The following FGD6 variants were observed in gnomAD, a reference collection of about 807,000 sequenced individuals.
FGD6 encodes FYVE, RhoGEF and PH domain-containing protein 6.
A neutral mutation model predicts 149.4 loss-of-function variants in FGD6; 90 were observed. The observed-to-expected ratio is 0.60, with a 90% CI of 0.51 to 0.72. FGD6 has a LOEUF of 0.72. Among genes scored for constraint, FGD6 ranks in the 30% least tolerant of loss-of-function variants. The pLI, the probability that FGD6 is intolerant of heterozygous loss-of-function variation, is 0.00. For missense variants in FGD6, 1,437 were observed against 1,684.8 expected (o/e 0.85, Z 2.57); for synonymous variants, 527 against 584.0 (o/e 0.90, Z 1.41).
Position 95,131,343 on chromosome 12 carries a change from A to C in FGD6, c.3082+3396T>G, listed in dbSNP as rs531985521. On this transcript the variant is annotated intron_variant, in intron 8 of 20. Coordinates refer to ENST00000343958, the MANE Select transcript of FGD6 (RefSeq NM_018351.4). The stretch of plus-strand genomic sequence containing the variant: ...AGGCTGGTCTCGAACTCCTGACCTC[A>C]GGTGATCTGCCCGCCTCAGCCTCCC... Among the ~76,000 whole-genome samples the C allele has an allele frequency of 8.0e-4, 122 of 152,234 alleles. 1 individual carries two copies. The highest frequency in any genetic ancestry group is 2.8e-3 in the African/African-American group (117 of 41,554).
chr12:95,129,108 G>A (rs953090884), intron 8 of FGD6, among the ~76,000 whole-genome samples: 13 of 152,172 alleles, frequency 8.5e-5, no homozygotes, highest in African/African-American at 3.1e-4. Context: ...GCCTGGCCTG[G>A]AGCCTAACAG....
In FGD6 at chr12:95,209,654, A is replaced by G. The variant is rs181827487; in HGVS notation, c.1630T>C (p.Leu544=). Residue 544 remains leucine, a synonymous_variant, in exon 2 of 21, where the codon TTG becomes CTG. Coordinates refer to ENST00000343958, the MANE Select transcript of FGD6 (RefSeq NM_018351.4). ...GACACACCACGGTTTTGGGCACACA[A>G]ATGCTGAAGGTGATTTCTTTCTAGA... is the stretch of plus-strand genomic sequence containing the variant. ...KSLERNHLQH[L]CAQNRGVSSS... 1.2e-6 allele frequency: 2 copies of G among 1,613,252 alleles called. No individual in the cohort carries two copies. The highest frequency in any genetic ancestry group is 1.7e-5 in the Admixed American group (1 of 59,766).
At chr12:95,088,834 C>T (rs943715155) in intron 18 of FGD6, among the ~76,000 whole-genome samples, 1 of 151,990 alleles carries the variant, frequency 6.6e-6, no homozygotes, top group African/African-American at 2.4e-5. Context: ...CGTAACTTTA[C>T]ATAAGAAACA....
At position 95,081,249 on chromosome 12, in the gene FGD6, G is replaced by T; in HGVS notation, c.*271C>A. 1 of 282,902 alleles carries T rather than the reference G, an allele frequency of 3.5e-6. No individual in the cohort carries two copies. Among genetic ancestry groups the T allele is most frequent in the Non-Finnish European group, 6.7e-6 (1 of 149,632 alleles). 17.5% of individuals were successfully genotyped at this position (282,902 alleles called of 1,614,324 possible). A position where few individuals can be genotyped will look rare whatever the true frequency, so the allele number is the denominator to read the frequency against. ...TATACAGTATTAAGATAGTTTTTCTGGTCTCTAAAGAAATGGTACTTTAGA... is the reference window on the plus strand; with the variant it reads ...TATACAGTATTAAGATAGTTTTTCTTGTCTCTAAAGAAATGGTACTTTAGA... On this transcript the variant is annotated 3_prime_UTR_variant, in exon 21 of 21. Transcript: ENST00000343958.
In FGD6 at chr12:95,080,049, T is replaced by C. The variant is rs1312801487; in HGVS notation, c.*1471A>G. Reference sequence around the variant, plus strand: ...TCACTGCAACCTCTGCCTCCTGGGTTCAAGCGATGCTCCTGCCTCAGCCTG... The same window carrying C: ...TCACTGCAACCTCTGCCTCCTGGGTCCAAGCGATGCTCCTGCCTCAGCCTG... On this transcript the variant is annotated 3_prime_UTR_variant, in exon 21 of 21. Transcript: ENST00000343958. 6.6e-6 allele frequency: 1 copy of C among 150,672 alleles called. No homozygotes were observed. Among genetic ancestry groups the C allele is most frequent in the Non-Finnish European group, 1.5e-5 (1 of 68,056 alleles). The allele number at this position is 150,672 out of a possible 1,614,324, so 9.3% of individuals were successfully genotyped here. A position where few individuals can be genotyped will look rare whatever the true frequency, so the allele number is the denominator to read the frequency against.
At chr12:95,141,704 A>G (rs549867878) in intron 5 of FGD6, among the ~76,000 whole-genome samples, 165 bp from the exon 6 acceptor site, 1 of 152,292 alleles carries the variant, frequency 6.6e-6, no homozygotes, top group East Asian at 1.9e-4. Context: ...CCACTCACCT[A>G]GATAGGAAAT....
intron 3 of FGD6, among the ~76,000 whole-genome samples, chr12:95,163,148 C>T (rs1880694725): frequency 6.6e-6 from 1 of 152,176 alleles, no homozygotes; most frequent in Admixed American, 6.5e-5. Context: ...TGTCCACTCA[C>T]CTTCACCAGG....
At chr12:95,153,465 C>T (rs1164776928) in intron 3 of FGD6, among the ~76,000 whole-genome samples, 2 of 152,130 alleles carry the variant, frequency 1.3e-5, no homozygotes, top group Non-Finnish European at 2.9e-5. Context: ...AGTTCAAGAC[C>T]AGCCTGACCA....
In FGD6 at chr12:95,210,471, T is replaced by G. The variant is rs1295156493; in HGVS notation, c.813A>C (p.Glu271Asp). The change falls in exon 2 of 21, where the codon GAA (glutamate) becomes GAC (aspartate). Residue 271 changes from glutamate (E) to aspartate (D), a missense_variant. Glu to Asp is a conservative substitution (Grantham distance 45). Transcript: ENST00000343958. Reference protein sequence around the residue: ...EKSNNCFQSSELEALENGKRS... With the variant: ...EKSNNCFQSSDLEALENGKRS... ...TTTTCCCATTTTCCAGAGCCTCTAG[T>G]TCAGATGACTGAAAGCAATTATTGC... 6.2e-7 allele frequency: 1 copy of G among 1,614,018 alleles called. No individual in the cohort carries two copies. The highest frequency in any genetic ancestry group is 2.2e-5 in the East Asian group (1 of 44,902).
chr12:95,101,681 CTTTTTTTTTT>C (rs757955014), intron 14 of FGD6, among the ~76,000 whole-genome samples: 4 of 107,808 alleles, frequency 3.7e-5, no homozygotes, highest in Non-Finnish European at 7.1e-5. Flanking sequence ...TTTGAACTTT[CTTTTTTTTTT>C]TTTTTTTTTT....
At chr12:95,163,201 C>T (rs932179902) in intron 3 of FGD6, among the ~76,000 whole-genome samples, 21 of 152,280 alleles carry the variant, frequency 1.4e-4, no homozygotes, top group Non-Finnish European at 2.2e-4. Flanking sequence ...TAACCCACCA[C>T]GCTGCAACTC....
intron 2 of FGD6, among the ~76,000 whole-genome samples, chr12:95,175,436 G>A (rs1018019894): frequency 2.0e-5 from 3 of 152,028 alleles, no homozygotes; most frequent in African/African-American, 7.2e-5. Flanking sequence ...TGAGAGAAAG[G>A]GATGGATGTA....
At chr12:95,086,580 C>T (rs1444101775) in intron 18 of FGD6, among the ~76,000 whole-genome samples, 1 of 140,290 alleles carries the variant, frequency 7.1e-6, no homozygotes, top group Non-Finnish European at 1.5e-5. Context: ...TGCTCTGTCA[C>T]CCAGGCTGGA....
chr12:95,094,586 C>G lies in FGD6; in HGVS notation c.3600+6G>C. 1 of 1,516,938 alleles carries G rather than the reference C, an allele frequency of 6.6e-7. No individual in the cohort carries two copies. Among genetic ancestry groups the G allele is most frequent in the Admixed American group, 1.9e-5 (1 of 51,452 alleles). 94.0% of individuals were successfully genotyped at this position (1,516,938 alleles called of 1,614,324 possible). ...TGGAAAAAAAAAAAAAAGGAGAAAA[C>G]AATACCTCATCAAGACTCCTACTAG... On this transcript the variant is annotated splice_donor_region_variant and intron_variant, in intron 15 of 20. Transcript: ENST00000343958.
chr12:95,106,486 A>G (rs1379543216), intron 13 of FGD6, among the ~76,000 whole-genome samples: 3 of 149,218 alleles, frequency 2.0e-5, no homozygotes, highest in Non-Finnish European at 3.0e-5. Flanking sequence ...GAGTTTCACT[A>G]TGTTGGTCAG....
chr12:95,194,446 G>T (rs1881683748), intron 2 of FGD6, among the ~76,000 whole-genome samples: 1 of 47,690 alleles, frequency 2.1e-5, no homozygotes, highest in Admixed American at 2.2e-4. Flanking sequence ...TGTTGGTCAG[G>T]CTGGTCTCGA....
In FGD6 at chr12:95,117,096, C is replaced by T. The variant is rs117691076; in HGVS notation, c.3083-3395G>A. ...TCGGCAGAAGCTTTCCTAATAACAA[C>T]GAGGAGAGCAGTCATTTCAGTTTGC... is the stretch of plus-strand genomic sequence containing the variant. On this transcript the variant is annotated intron_variant, in intron 8 of 20. Transcript: ENST00000343958. 203 of 255,188 alleles carry T rather than the reference C, an allele frequency of 8.0e-4. 4 individuals are homozygous for T. In the East Asian group the frequency reaches 0.016, roughly 20 times the overall value. The allele number at this position is 255,188 out of a possible 1,614,324, so 15.8% of individuals were successfully genotyped here. A position where few individuals can be genotyped will look rare whatever the true frequency, so the allele number is the denominator to read the frequency against.
At chr12:95,179,521 C>T (rs909871245) in intron 2 of FGD6, among the ~76,000 whole-genome samples, 3 of 151,376 alleles carry the variant, frequency 2.0e-5, no homozygotes, top group Non-Finnish European at 4.4e-5. Flanking sequence ...ATAAATAAGA[C>T]CAAAATCATA....
At chr12:95,212,619 G>C (rs2056733283) in intron 1 of FGD6, among the ~76,000 whole-genome samples, 2 of 152,048 alleles carry the variant, frequency 1.3e-5, no homozygotes, top group Non-Finnish European at 2.9e-5. Flanking sequence ...CGTTTGACAG[G>C]ATCTAACACT....
Sources: gnomAD v4.1 joint callset for allele counts (sites outside exome capture counted in the v4.1 genomes callset) on GRCh38, gnomAD v4.1.1 for gene constraint, MANE v1.5 for transcripts, NCBI Gene and HGNC (gene_info 2026-07-23, HGNC 2026-07-21) for gene names.